The following PABPC4L variants were observed in gnomAD, a reference collection of about 807,000 sequenced individuals.
The protein encoded by PABPC4L is poly(A) binding protein cytoplasmic 4 like.
For missense variants in PABPC4L, 452 were observed against 451.4 expected, an observed-to-expected ratio of 1.00 and a Z score of -0.01; for synonymous variants, 169 against 164.1, an observed-to-expected ratio of 1.03 and a Z score of -0.23.
the PABPC4L span, among the ~76,000 whole-genome samples, chr4:133,966,369 A>G: frequency 6.6e-6 from 1 of 152,232 alleles, no homozygotes; most frequent in Admixed American, 6.5e-5. Context: ...AATGTAAGCT[A>G]GTAAAACCGT....
the PABPC4L span, among the ~76,000 whole-genome samples, chr4:133,987,237 T>C: frequency 6.6e-6 from 1 of 152,288 alleles, no homozygotes; most frequent in East Asian, 1.9e-4. Context: ...TCAGGGTGAA[T>C]ACATTTCTAA....
At chr4:133,972,472 T>C in the PABPC4L span, among the ~76,000 whole-genome samples, 1 of 152,126 alleles carries the variant, frequency 6.6e-6, no homozygotes, top group Non-Finnish European at 1.5e-5. Context: ...GATAGTATTG[T>C]CACTCAAGAC....
At chr4:133,964,915 G>A in the PABPC4L span, among the ~76,000 whole-genome samples, 2 of 152,168 alleles carry the variant, frequency 1.3e-5, no homozygotes, top group African/African-American at 4.8e-5. Context: ...AACAAGACAA[G>A]GATACTCATT....
chr4:134,116,487 C>T, the PABPC4L span, among the ~76,000 whole-genome samples: 1 of 151,726 alleles, frequency 6.6e-6, no homozygotes, highest in South Asian at 2.1e-4. Flanking sequence ...CTAAAGCCAT[C>T]GGAATCACTA....
chr4:134,200,837 C>T lies in PABPC4L; in HGVS notation c.183G>A (p.Leu61=). 1 of 1,559,244 alleles carries T rather than the reference C, an allele frequency of 6.4e-7. No homozygotes were observed. The highest frequency in any genetic ancestry group is 8.7e-7 in the Non-Finnish European group (1 of 1,151,226). Residue 61 remains leucine (L), a synonymous_variant, in exon 2 of 2, where the codon CTG becomes CTA. Transcript: ENST00000421491. ...TGTCCAGCGCCTTCTGGGCATCAGC[C>T]AGCTGCAAGAAGTTCACGTAGGCAT... is the stretch of plus-strand genomic sequence containing the variant. ...LGYAYVNFLQ[L]ADAQKALDTM...
At chr4:133,987,681 T>G in the PABPC4L span, among the ~76,000 whole-genome samples, 2 of 152,114 alleles carry the variant, frequency 1.3e-5, no homozygotes. Flanking sequence ...AAAAATTAGG[T>G]GCAAAGTGAA....
At chr4:134,156,926 G>T in the PABPC4L span, among the ~76,000 whole-genome samples, 1 of 151,838 alleles carries the variant, frequency 6.6e-6, no homozygotes, top group African/African-American at 2.4e-5. Flanking sequence ...CTCTAATTTA[G>T]GTGACAATTC....
At position 134,200,637 on chromosome 4, in the gene PABPC4L, T is replaced by C. The variant is rs1294811969; in HGVS notation, c.383A>G (p.Lys128Arg). ...FSAFGKILSS[K>R]VMSDDQGSKG... ...GGAGCCTTGATCATCACTCATCACC[T>C]TGGAGGAAAGGATCTTTCCAAAAGC... is the stretch of plus-strand genomic sequence containing the variant. The change falls in exon 2 of 2, where the codon AAG becomes AGG. Residue 128 changes from lysine to arginine, a missense_variant. Transcript: ENST00000421491. 1 of 1,551,618 alleles carries C rather than the reference T, an allele frequency of 6.4e-7. No homozygotes were observed. Among genetic ancestry groups the C allele is most frequent in the Non-Finnish European group, 8.7e-7 (1 of 1,146,962 alleles).
chr4:133,993,774 C>A, the PABPC4L span, among the ~76,000 whole-genome samples: 1 of 152,100 alleles, frequency 6.6e-6, no homozygotes, highest in Non-Finnish European at 1.5e-5. Flanking sequence ...ACTTGCAAGT[C>A]GGCTTGATTA....
the PABPC4L span, among the ~76,000 whole-genome samples, chr4:134,101,478 T>C: frequency 0.013 from 1,927 of 151,544 alleles, 42 homozygotes; most frequent in African/African-American, 0.041. Flanking sequence ...AGAAGTTTTT[T>C]CCTTGGATTA....
At chr4:134,091,258 T>G in the PABPC4L span, among the ~76,000 whole-genome samples, 3 of 151,962 alleles carry the variant, frequency 2.0e-5, no homozygotes, top group Non-Finnish European at 4.4e-5. Flanking sequence ...GTACTTAACT[T>G]TTATTGCCAC....
chr4:134,020,968 T>C, the PABPC4L span, among the ~76,000 whole-genome samples: 1 of 152,068 alleles, frequency 6.6e-6, no homozygotes, highest in African/African-American at 2.4e-5. Context: ...ACTACTTCAT[T>C]TGGGCACACA....
chr4:134,013,352 AC>A, the PABPC4L span, among the ~76,000 whole-genome samples: 1 of 149,770 alleles, frequency 6.7e-6, no homozygotes, highest in Non-Finnish European at 1.5e-5. Flanking sequence ...GAGGGCAAGA[AC>A]CCCCCACCTC....
At chr4:134,080,895 T>C in the PABPC4L span, among the ~76,000 whole-genome samples, 4 of 152,212 alleles carry the variant, frequency 2.6e-5, no homozygotes, top group African/African-American at 9.6e-5. Flanking sequence ...TAACACACAG[T>C]GTATCATATT....
chr4:134,038,055 T>C, the PABPC4L span, among the ~76,000 whole-genome samples: 329 of 152,128 alleles, frequency 2.2e-3, 4 homozygotes, highest in Non-Finnish European at 3.6e-3. Flanking sequence ...GTTTTGAAGG[T>C]CTTTTCTGCA....
At chr4:133,990,958 T>C in the PABPC4L span, among the ~76,000 whole-genome samples, 1 of 152,150 alleles carries the variant, frequency 6.6e-6, no homozygotes, top group African/African-American at 2.4e-5. Context: ...CATATAATTT[T>C]TCCCACCACC....
the PABPC4L span, among the ~76,000 whole-genome samples, chr4:134,145,018 T>C: frequency 3.0e-4 from 46 of 151,888 alleles, 2 homozygotes; most frequent in East Asian, 8.1e-3. Flanking sequence ...ATCAGTGATG[T>C]AACTTTCTAT....
At chr4:134,121,304 T>C in the PABPC4L span, among the ~76,000 whole-genome samples, 2 of 151,602 alleles carry the variant, frequency 1.3e-5, no homozygotes, top group African/African-American at 4.8e-5. Flanking sequence ...TATTATTTAC[T>C]TTTAAATTTT....
At chr4:134,096,162 T>C in the PABPC4L span, among the ~76,000 whole-genome samples, 1 of 151,994 alleles carries the variant, frequency 6.6e-6, no homozygotes, top group Non-Finnish European at 1.5e-5. Flanking sequence ...TCATTTTTTA[T>C]TTATTTTATT....
Sources: allele counts gnomAD v4.1 joint callset (sites outside exome capture counted in the v4.1 genomes callset), GRCh38; gene constraint gnomAD v4.1.1; transcripts MANE v1.5; gene names NCBI Gene and HGNC (gene_info 2026-07-23, HGNC 2026-07-21).